Variants in HDGFL2 observed in about 807,000 individuals in gnomAD.
The protein encoded by HDGFL2 is hepatoma-derived growth factor-related protein 2.
Under a neutral mutation model 77.1 loss-of-function variants are expected in HDGFL2, and 36 were observed. That is an observed-to-expected ratio of 0.47 (90% CI 0.36 to 0.62). HDGFL2 has a LOEUF of 0.62. HDGFL2 is among the 20% of genes least tolerant of loss of function. The probability of loss-of-function intolerance (pLI) is 0.00; values close to 1 mark genes in which losing one functional copy is unlikely to be tolerated. For missense variants in HDGFL2, 976 were observed against 973.4 expected (o/e 1.00, Z -0.04); for synonymous variants, 463 against 413.1 (o/e 1.12, Z -1.46).
In HDGFL2 at chr19:4,493,737, C is replaced by A. The variant is rs1313783787; in HGVS notation, c.713C>A (p.Ala238Asp). The A allele has an allele frequency of 3.3e-6, 5 of 1,513,630 alleles. No homozygotes were observed. The highest frequency in any genetic ancestry group is 4.4e-6 in the Non-Finnish European group (5 of 1,125,034). 93.8% of individuals were successfully genotyped at this position (1,513,630 alleles called of 1,614,324 possible). Residue 238 changes from alanine (A) to aspartate (D), a missense_variant, in exon 7 of 16, where the codon GCC becomes GAC. By Grantham distance (126) the Ala-to-Asp change is moderately radical. Around this residue, in one of 5 missense-constraint regions of HDGFL2, gnomAD observed 567 missense variants for 534.7 expected, o/e 1.06. Transcript: ENST00000616600. ...TCAGCCTCCGACTCCGACTCCAAGG[C>A]CGATTCGGACGGGGCCAAGCCTGAG... ...APSASDSDSK[A>D]DSDGAKPEPV...
intron 3 of HDGFL2, among the ~76,000 whole-genome samples, chr19:4,479,272 A>C (rs1305890387): frequency 2.0e-5 from 3 of 151,688 alleles, no homozygotes; most frequent in African/African-American, 7.3e-5. Context: ...AACAGAATGA[A>C]ACCCTGTCTC....
intron 1 of HDGFL2, 49 bp downstream of exon 1, chr19:4,472,471 C>CGGG: frequency 2.5e-6 from 2 of 802,538 alleles, no homozygotes; most frequent in Non-Finnish European, 3.1e-6. Flanking sequence ...GGGGGGGCAG[C>CGGG]GGGGGCCCCG....
At chr19:4,493,212 TGTGTG>T (rs1007156694) in intron 6 of HDGFL2, among the ~76,000 whole-genome samples, 1 of 142,910 alleles carries the variant, frequency 7.0e-6, no homozygotes, top group Admixed American at 7.0e-5. Context: ...CTGTGCGGTG[TGTGTG>T]GTGTGGTGTG....
chr19:4,501,847 A>G (rs756736665), intron 15 of HDGFL2, 64 bp from the exon 16 acceptor site: 14 of 1,249,036 alleles, frequency 1.1e-5, no homozygotes, highest in South Asian at 7.0e-5. Context: ...ATCCCACCCA[A>G]CCGCCCTACA....
chr19:4,479,209 T>G (rs1975149550), intron 3 of HDGFL2, among the ~76,000 whole-genome samples: 3 of 151,810 alleles, frequency 2.0e-5, no homozygotes, highest in African/African-American at 7.3e-5. Context: ...CCCAGCACTT[T>G]GGGAGACTGA....
chr19:4,499,628 C>G lies in HDGFL2; in HGVS notation c.1713C>G (p.Ala571=), dbSNP rs762033995. Residue 571 remains alanine, a synonymous_variant, in exon 14 of 16, where the codon GCC becomes GCG. Transcript: ENST00000616600. ...AGGCTGGGATGGAGAAGGAGAAGGC[C>G]GAGGAGAAGCTGGCCGGGGAGGAGC... ...VNKAGMEKEK[A]EEKLAGEELA... The G allele has an allele frequency of 6.3e-7, 1 of 1,594,868 alleles. No individual in the cohort carries two copies. The highest frequency in any genetic ancestry group is 1.8e-5 in the Admixed American group (1 of 56,546).
At chr19:4,483,733 G>T (rs1568207210) in intron 3 of HDGFL2, among the ~76,000 whole-genome samples, 1 of 150,164 alleles carries the variant, frequency 6.7e-6, no homozygotes. Context: ...ACTCCAGCCT[G>T]TCACACGCCA....
chr19:4,483,789 T>A (rs1316836953), intron 3 of HDGFL2, among the ~76,000 whole-genome samples: 1 of 40,138 alleles, frequency 2.5e-5, no homozygotes, highest in Non-Finnish European at 5.1e-5. Flanking sequence ...GTTTCATGAT[T>A]TTTTTTTTTT....
rs770893579 is a variant in HDGFL2, at chr19:4,493,812, C to G, written c.788C>G (p.Ser263Cys). 1 of 1,538,652 alleles carries G rather than the reference C, an allele frequency of 6.5e-7. No homozygotes were observed. The highest frequency in any genetic ancestry group is 1.2e-5 in the South Asian group (1 of 82,744). ...TCCTCCTCCTCCTCTTCCTCCTCCT[C>G]CTCCGACTCCGATGTGTCTGTGAAG... is the stretch of plus-strand genomic sequence containing the variant. ...SASSSSSSSSSSDSDVSVKKP... is the reference protein window; with the variant it reads ...SASSSSSSSSCSDSDVSVKKP... Residue 263 changes from serine to cysteine, a missense_variant, in exon 7 of 16, where the codon TCC becomes TGC. Ser to Cys is a moderately radical substitution (Grantham distance 112). Around this residue, in one of 5 missense-constraint regions of HDGFL2, gnomAD observed 567 missense variants for 534.7 expected, o/e 1.06. Coordinates refer to ENST00000616600, the MANE Select transcript of HDGFL2 (RefSeq NM_001001520.3).
Position 4,498,296 on chromosome 19 carries a change from C to T in HDGFL2, c.1403-10C>T, listed in dbSNP as rs753166472. The stretch of plus-strand genomic sequence containing the variant: ...CCTGGGCCCACACGGTGCTCTCTCT[C>T]CTGGCCCAGAGCCCTCCGTGGAGGA... On this transcript the variant is annotated splice_polypyrimidine_tract_variant and intron_variant, in intron 11 of 15. Transcript: ENST00000616600. 1.9e-6 allele frequency: 3 copies of T among 1,612,266 alleles called. No homozygotes were observed. The highest frequency in any genetic ancestry group is 1.1e-5 in the South Asian group (1 of 91,058).
chr19:4,481,437 G>A (rs1031097882), intron 3 of HDGFL2, among the ~76,000 whole-genome samples: 7 of 150,820 alleles, frequency 4.6e-5, no homozygotes, highest in East Asian at 2.0e-4. Context: ...TGATCCGCCC[G>A]CCTCGGCCTC....
chr19:4,474,666 C>T (rs1443711375), intron 1 of HDGFL2, among the ~76,000 whole-genome samples: 3 of 152,090 alleles, frequency 2.0e-5, no homozygotes, highest in African/African-American at 7.2e-5. Context: ...TCTCTTCTTC[C>T]CAGAGCACTC....
At chr19:4,492,331 A>G (rs1426082565) in intron 6 of HDGFL2, among the ~76,000 whole-genome samples, 1 of 127,580 alleles carries the variant, frequency 7.8e-6, no homozygotes, top group Non-Finnish European at 1.8e-5. Context: ...GTGTGTGCAC[A>G]TGTCGTGCCT....
At chr19:4,485,584 CAA>C (rs911959191) in intron 3 of HDGFL2, among the ~76,000 whole-genome samples, 9 of 150,286 alleles carry the variant, frequency 6.0e-5, no homozygotes, top group African/African-American at 2.2e-4. Flanking sequence ...TAAAAAAATA[CAA>C]AAAAAATTAG....
At chr19:4,479,461 G>A (rs79048802) in intron 3 of HDGFL2, among the ~76,000 whole-genome samples, 195 of 151,606 alleles carry the variant, frequency 1.3e-3, no homozygotes, top group African/African-American at 4.5e-3. Flanking sequence ...GGCACCTGTA[G>A]TCCCAGCTAC....
At chr19:4,492,569 G>T (rs1021062574) in intron 6 of HDGFL2, among the ~76,000 whole-genome samples, 3 of 151,534 alleles carry the variant, frequency 2.0e-5, no homozygotes, top group African/African-American at 7.3e-5. Flanking sequence ...TGTGTCTGGT[G>T]TGTCCATGTG....
At position 4,494,367 on chromosome 19, in the gene HDGFL2, C is replaced by T. The variant is rs1334026177; in HGVS notation, c.1116C>T (p.Asp372=). The T allele has an allele frequency of 5.7e-6, 8 of 1,404,958 alleles. No individual in the cohort carries two copies. The highest frequency in any genetic ancestry group is 1.5e-5 in the African/African-American group (1 of 65,468). 87.0% of individuals were successfully genotyped at this position (1,404,958 alleles called of 1,614,324 possible). A position where few individuals can be genotyped will look rare whatever the true frequency, so the allele number is the denominator to read the frequency against. The change falls in exon 9 of 16, where the codon GAC becomes GAT. Residue 372 remains aspartate (D), a synonymous_variant. Coordinates refer to ENST00000616600, the MANE Select transcript of HDGFL2 (RefSeq NM_001001520.3). ...AERGSGGSSG[D]ELREDDEPVK... is the part of the protein sequence containing the mutation. ...GGGGCAGCGGCGGCAGCAGCGGGGA[C>T]GAGCTCAGGGAGGACGATGAGCCCG...
chr19:4,488,473 C>T (rs1610091), intron 3 of HDGFL2, among the ~76,000 whole-genome samples: 77,896 of 151,922 alleles, frequency 0.51, 20,456 homozygotes, highest in African/African-American at 0.61. Context: ...ACCCTAGTGC[C>T]CACCATACAC....
At chr19:4,500,674 G>C (rs906008308) in intron 14 of HDGFL2, among the ~76,000 whole-genome samples, 5 of 152,134 alleles carry the variant, frequency 3.3e-5, no homozygotes, top group African/African-American at 1.2e-4. Flanking sequence ...TGTTATCCAG[G>C]ATGGTGTCAA....
Sources: gnomAD v4.1 joint callset for allele counts (sites outside exome capture counted in the v4.1 genomes callset) on GRCh38, gnomAD v4.1.1 for gene constraint, gnomAD v4.1.1 regional missense constraint, MANE v1.5 for transcripts, NCBI Gene and HGNC (gene_info 2026-07-23, HGNC 2026-07-21) for gene names.